VPS50: variants seen among roughly 807,000 people sequenced by gnomAD.
VPS50 encodes syndetin.
A neutral mutation model predicts 139.7 loss-of-function variants in VPS50; 70 were observed. The ratio of observed to expected loss-of-function variants is 0.50; its 90% CI spans 0.41 to 0.61. The LOEUF is 0.61. Ranked by LOEUF, VPS50 falls within the 20% of genes least tolerant of loss-of-function variation. The probability of loss-of-function intolerance (pLI) is 0.00; values close to 1 mark genes in which losing one functional copy is unlikely to be tolerated. For synonymous variants in VPS50, 365 were observed against 376.7 expected (o/e 0.97, Z 0.36); for missense variants, 921 against 1,133.7 (o/e 0.81, Z 2.69).
intron 21 of VPS50, among the ~76,000 whole-genome samples, chr7:93,329,610 T>C (rs888687888): frequency 6.6e-6 from 1 of 151,890 alleles, no homozygotes; most frequent in Non-Finnish European, 1.5e-5. Context: ...CATAAAGAAA[T>C]GTACAGCAGA....
At chr7:93,272,779 G>T in intron 11 of VPS50, 46 bp downstream of exon 11, 1 of 878,468 alleles carries the variant, frequency 1.1e-6, no homozygotes, top group Non-Finnish European at 1.8e-6. Flanking sequence ...TCAGGAATTT[G>T]TTGTCCTTCA....
chr7:93,290,345 A>C (rs2116934062), intron 12 of VPS50, among the ~76,000 whole-genome samples: 1 of 152,084 alleles, frequency 6.6e-6, no homozygotes, highest in Non-Finnish European at 1.5e-5. Context: ...CAAACAAAGA[A>C]ATTATTGAAT....
At chr7:93,353,840 G>A (rs1286944910) in intron 26 of VPS50, 79 bp downstream of exon 26, 2 of 1,131,334 alleles carry the variant, frequency 1.8e-6, no homozygotes, top group Admixed American at 2.2e-5. Flanking sequence ...ATTAATGGTT[G>A]GAGAGAATAA....
At position 93,251,597 on chromosome 7, in the gene VPS50, G is replaced by T. The variant is rs139662180; in HGVS notation, c.103-1056G>T. ...TGAGTTGATGGGTGCAGCAAACCAC[G>T]ATGGCATGTGTATACCTATGTAACA... On this transcript the variant is annotated intron_variant, in intron 2 of 27. Transcript: ENST00000305866. 5.3e-3 allele frequency among the ~76,000 whole-genome samples: 805 copies of T among 152,058 alleles called. 9 individuals carry two copies. The highest frequency in any genetic ancestry group is 0.018 in the African/African-American group (762 of 41,470).
intron 17 of VPS50, 112 bp from the exon 18 acceptor site, chr7:93,305,716 A>G: frequency 1.3e-6 from 1 of 747,932 alleles, no homozygotes; most frequent in Non-Finnish European, 2.3e-6. Flanking sequence ...CAATAAACTG[A>G]AGATCAAGAT....
chr7:93,310,964 A>G (rs774442108), intron 19 of VPS50, among the ~76,000 whole-genome samples: 3 of 152,118 alleles, frequency 2.0e-5, no homozygotes, highest in Non-Finnish European at 2.9e-5. Context: ...GAAGAAATGC[A>G]TTATGGTACT....
At chr7:93,329,129 C>T (rs913036264) in intron 21 of VPS50, among the ~76,000 whole-genome samples, 1 of 151,448 alleles carries the variant, frequency 6.6e-6, no homozygotes, top group Non-Finnish European at 1.5e-5. Flanking sequence ...TAGTTTAACT[C>T]TAAGATATTG....
At chr7:93,322,949 A>G (rs1455988734) in intron 20 of VPS50, among the ~76,000 whole-genome samples, 20 of 152,146 alleles carry the variant, frequency 1.3e-4, no homozygotes. Context: ...AGGAAAAGGA[A>G]TGGGATATTG....
chr7:93,311,641 C>G (rs1441024476), intron 20 of VPS50, among the ~76,000 whole-genome samples: 1 of 152,046 alleles, frequency 6.6e-6, no homozygotes, highest in Non-Finnish European at 1.5e-5. Flanking sequence ...TAGGTCTTTA[C>G]CATCTTCTGT....
chr7:93,315,723 T>A (rs561797438), intron 20 of VPS50, among the ~76,000 whole-genome samples: 1 of 152,338 alleles, frequency 6.6e-6, no homozygotes, highest in African/African-American at 2.4e-5. Flanking sequence ...TACTTATTCA[T>A]ATCCACTGCT....
chr7:93,237,865 A>G (rs1037342825), intron 1 of VPS50, among the ~76,000 whole-genome samples: 7 of 152,080 alleles, frequency 4.6e-5, no homozygotes, highest in Non-Finnish European at 1.0e-4. Flanking sequence ...CTGGTACCCA[A>G]TAGTTATTTT....
intron 21 of VPS50, among the ~76,000 whole-genome samples, chr7:93,330,965 A>G (rs1797922951): frequency 6.8e-6 from 1 of 147,392 alleles, no homozygotes; most frequent in African/African-American, 2.6e-5. Flanking sequence ...TAAAGTCAGT[A>G]TACAAAAATC....
chr7:93,266,800 CTT>C (rs888751594), intron 9 of VPS50, among the ~76,000 whole-genome samples: 4 of 152,132 alleles, frequency 2.6e-5, no homozygotes, highest in Non-Finnish European at 5.9e-5. Flanking sequence ...CTAAGAGCTT[CTT>C]TAAAAGCTGT....
At chr7:93,350,158 GC>G in intron 25 of VPS50, 125 bp downstream of exon 25, 1 of 568,574 alleles carries the variant, frequency 1.8e-6, no homozygotes, top group Non-Finnish European at 2.9e-6. Flanking sequence ...TGGTATTAAA[GC>G]CCCTGAATTG....
chr7:93,276,306 G>A lies in VPS50; in HGVS notation c.942+1G>A. The stretch of plus-strand genomic sequence containing the variant: ...GCTGCAATATAAGGATCTCTGTACA[G>A]TATGTAGTGACTTAATTACTATTCA... On this transcript the variant is annotated splice_donor_variant, in intron 12 of 27. Coordinates refer to ENST00000305866, the MANE Select transcript of VPS50 (RefSeq NM_017667.4). LOFTEE classifies it high-confidence loss of function. 1 of 1,610,214 alleles carries A rather than the reference G, an allele frequency of 6.2e-7. No homozygotes were observed. The highest frequency in any genetic ancestry group is 8.5e-7 in the Non-Finnish European group (1 of 1,177,384).
chr7:93,352,530 A>G (rs1798589507), intron 25 of VPS50, among the ~76,000 whole-genome samples: 1 of 152,188 alleles, frequency 6.6e-6, no homozygotes, highest in Non-Finnish European at 1.5e-5. Flanking sequence ...AAAGTTGAAC[A>G]CGTCAGTCTT....
chr7:93,237,236 G>T lies in VPS50; in HGVS notation c.34-2630G>T, dbSNP rs149098956. On this transcript the variant is annotated intron_variant, in intron 1 of 27. Transcript: ENST00000305866. ...CTCCCAAAGTGCTGGGATTACAGGC[G>T]TGAGCCACCACGCCCGGCCTGTTTT... 9.7e-3 allele frequency among the ~76,000 whole-genome samples: 1,469 copies of T among 152,070 alleles called. 29 individuals carry two copies. The highest frequency in any genetic ancestry group is 0.033 in the African/African-American group (1,387 of 41,468).
chr7:93,246,807 A>C (rs892812380), intron 2 of VPS50, among the ~76,000 whole-genome samples: 5 of 151,840 alleles, frequency 3.3e-5, no homozygotes, highest in African/African-American at 4.8e-5. Context: ...ATGAACTCTT[A>C]AGTGGAAAAT....
intron 6 of VPS50, 86 bp from the exon 7 acceptor site, chr7:93,258,073 G>C (rs116713374): frequency 7.7e-6 from 5 of 645,556 alleles, no homozygotes; most frequent in South Asian, 5.8e-5. Context: ...CCATTTCACT[G>C]CTTCATTAGT....
Sources: allele counts gnomAD v4.1 joint callset (sites outside exome capture counted in the v4.1 genomes callset), GRCh38; gene constraint gnomAD v4.1.1; transcripts MANE v1.5; gene names NCBI Gene and HGNC (gene_info 2026-07-23, HGNC 2026-07-21).